The following INPP4B variants were observed in gnomAD, a reference collection of about 807,000 sequenced individuals.
INPP4B encodes the protein inositol polyphosphate 4-phosphatase type II.
INPP4B carries 55 observed loss-of-function variants against 122.5 expected under a neutral mutation model. The observed-to-expected ratio is 0.45, with a 90% confidence interval of 0.36 to 0.56. The LOEUF (loss-of-function observed/expected upper bound fraction) is 0.56. INPP4B is among the 20% of genes least tolerant of loss of function. The probability of loss-of-function intolerance (pLI) is 0.00; values close to 1 mark genes in which losing one functional copy is unlikely to be tolerated. For missense variants in INPP4B, 1,000 were observed against 1,097.7 expected (o/e 0.91, Z 1.26); for synonymous variants, 403 against 388.7 (o/e 1.04, Z -0.43).
At chr4:142,561,207 TC>T (rs1321241621) in intron 2 of INPP4B, among the ~76,000 whole-genome samples, 1 of 152,182 alleles carries the variant, frequency 6.6e-6, no homozygotes, top group Non-Finnish European at 1.5e-5. Context: ...ATTATAAAAT[TC>T]TCTACTCACT....
chr4:142,238,019 A>G lies in INPP4B; in HGVS notation c.689-8T>C, dbSNP rs374608467. 161 of 1,391,036 alleles carry G rather than the reference A, an allele frequency of 1.2e-4. No homozygotes were observed. The Middle Eastern group carries it at 6.2e-3, about 54-fold the overall frequency. The allele number at this position is 1,391,036 out of a possible 1,614,324, so 86.2% of individuals were successfully genotyped here. On this transcript the variant is annotated splice_region_variant and splice_polypyrimidine_tract_variant and intron_variant, in intron 11 of 25. Coordinates refer to ENST00000262992, the MANE Select transcript of INPP4B (RefSeq NM_001101669.3). ...ATACTGGGTTCTTTAACACTGGAAA[A>G]AAAAAGAAAAAATAATAGTTAAATT...
chr4:142,535,229 TAAC>T (rs1200695503), intron 2 of INPP4B, among the ~76,000 whole-genome samples: 1 of 152,222 alleles, frequency 6.6e-6, no homozygotes, highest in Admixed American at 6.5e-5. Context: ...TTGAGTTAAG[TAAC>T]AACTCAGAGA....
At chr4:142,298,244 G>A (rs1759686053) in intron 9 of INPP4B, among the ~76,000 whole-genome samples, 1 of 152,150 alleles carries the variant, frequency 6.6e-6, no homozygotes, top group Non-Finnish European at 1.5e-5. Context: ...GTGGTAAAGA[G>A]ATAAAACTTG....
At chr4:142,248,285 C>T (rs1356084024) in intron 11 of INPP4B, among the ~76,000 whole-genome samples, 1 of 151,372 alleles carries the variant, frequency 6.6e-6, no homozygotes, top group African/African-American at 2.4e-5. Context: ...GCACCCGTTC[C>T]TCCCCCTCCT....
intron 15 of INPP4B, among the ~76,000 whole-genome samples, chr4:142,182,892 T>C (rs2645820): frequency 0.99 from 151,302 of 152,280 alleles, 75,172 homozygotes; most frequent in East Asian, 1. Flanking sequence ...GTCTAATTGT[T>C]TGCCATTCTT....
At chr4:142,498,213 A>G (rs940302899) in intron 2 of INPP4B, among the ~76,000 whole-genome samples, 7 of 151,510 alleles carry the variant, frequency 4.6e-5, no homozygotes, top group Non-Finnish European at 1.0e-4. Context: ...GTATATATAT[A>G]TATACACATA....
At chr4:142,459,222 C>A (rs1030170400) in intron 3 of INPP4B, among the ~76,000 whole-genome samples, 1 of 150,364 alleles carries the variant, frequency 6.7e-6, no homozygotes, top group African/African-American at 2.5e-5. Flanking sequence ...TTGACTTTCA[C>A]TGGCTGTGTT....
intron 7 of INPP4B, among the ~76,000 whole-genome samples, chr4:142,382,696 A>T (rs2148877357): frequency 6.8e-6 from 1 of 146,692 alleles, no homozygotes; most frequent in African/African-American, 2.5e-5. Context: ...AAATTAGGTC[A>T]TTGATTTACA....
intron 2 of INPP4B, among the ~76,000 whole-genome samples, chr4:142,652,466 A>C (rs112798618): frequency 1.1e-4 from 17 of 152,190 alleles, no homozygotes; most frequent in African/African-American, 3.9e-4. Flanking sequence ...TATATTTAGA[A>C]AACCCCATCA....
At chr4:142,581,982 A>AT (rs990519065) in intron 2 of INPP4B, among the ~76,000 whole-genome samples, 24 of 152,150 alleles carry the variant, frequency 1.6e-4, no homozygotes, top group Admixed American at 1.1e-3. Context: ...CTACTTAAAA[A>AT]ATATATATGT....
At chr4:142,599,694 T>C (rs1739461341) in intron 2 of INPP4B, among the ~76,000 whole-genome samples, 1 of 151,116 alleles carries the variant, frequency 6.6e-6, no homozygotes, top group Admixed American at 6.6e-5. Context: ...AAAAGAAAAA[T>C]TGCAAAATCT....
intron 7 of INPP4B, among the ~76,000 whole-genome samples, chr4:142,319,589 T>C (rs2151392103): frequency 6.6e-6 from 1 of 152,300 alleles, no homozygotes; most frequent in South Asian, 2.1e-4. Flanking sequence ...GGTGCAGCCA[T>C]GTAGCTAGTT....
rs181235074 is a variant in INPP4B at position 142,715,297 on chromosome 4, T to C, written c.-191+10542A>G. Among the ~76,000 whole-genome samples the C allele has an allele frequency of 2.1e-3, 325 of 152,328 alleles. 2 individuals are homozygous for C. The highest frequency in any genetic ancestry group is 7.2e-3 in the African/African-American group (298 of 41,572). ...CAATGTCCAGTATGTTAGCCAGTAG[T>C]TGCATATAAATATTGAGCACTTGAA... On this transcript the variant is annotated intron_variant, in intron 2 of 25. Transcript: ENST00000262992.
intron 7 of INPP4B, among the ~76,000 whole-genome samples, chr4:142,349,082 T>C (rs536372770): frequency 2.0e-5 from 3 of 152,198 alleles, no homozygotes; most frequent in East Asian, 3.9e-4. Flanking sequence ...TACTGCTACA[T>C]AGTCTGTTTA....
intron 22 of INPP4B, 110 bp downstream of exon 22, chr4:142,112,432 G>T: frequency 9.1e-7 from 1 of 1,096,346 alleles, no homozygotes; most frequent in Admixed American, 2.6e-5. Flanking sequence ...AAAGAAAAAT[G>T]TTACTCATAA....
intron 10 of INPP4B, among the ~76,000 whole-genome samples, chr4:142,264,921 A>G (rs1252537453): frequency 6.6e-6 from 1 of 151,960 alleles, no homozygotes; most frequent in African/African-American, 2.4e-5. Flanking sequence ...GAAGATACCA[A>G]AACACTCCCT....
intron 25 of INPP4B, among the ~76,000 whole-genome samples, chr4:142,071,579 T>C (rs1421961398): frequency 6.6e-6 from 1 of 152,078 alleles, no homozygotes. Flanking sequence ...ATTTTTACAA[T>C]CTACCCATCT....
intron 1 of INPP4B, among the ~76,000 whole-genome samples, chr4:142,830,446 C>T (rs1781980706): frequency 6.6e-6 from 1 of 152,002 alleles, no homozygotes; most frequent in African/African-American, 2.4e-5. Flanking sequence ...AAATGCTGAC[C>T]ACCTCTGCCA....
At chr4:142,545,695 A>ATATG (rs1560781611) in intron 2 of INPP4B, among the ~76,000 whole-genome samples, 20 of 119,694 alleles carry the variant, frequency 1.7e-4, no homozygotes, top group African/African-American at 6.0e-4. Flanking sequence ...ACACATATAT[A>ATATG]TGTGTATATA....
Sources: allele counts gnomAD v4.1 joint callset (sites outside exome capture counted in the v4.1 genomes callset), GRCh38; gene constraint gnomAD v4.1.1; transcripts MANE v1.5; gene names NCBI Gene and HGNC (gene_info 2026-07-23, HGNC 2026-07-21).